The following HSD17B6 variants were observed in gnomAD, a reference collection of about 807,000 sequenced individuals.
The protein encoded by HSD17B6 is hydroxysteroid 17-beta dehydrogenase 6, also known as 17-beta-hydroxysteroid dehydrogenase type 6.
A neutral mutation model predicts 26.4 loss-of-function variants in HSD17B6; 16 were observed. The observed-to-expected ratio is 0.61, with a 90% CI of 0.41 to 0.92. HSD17B6 has a LOEUF of 0.92. HSD17B6 is among the 40% of genes least tolerant of loss of function. The pLI, the probability that HSD17B6 is intolerant of heterozygous loss-of-function variation, is 0.00. For synonymous variants in HSD17B6, 139 were observed against 153.0 expected, an observed-to-expected ratio of 0.91 and a Z score of 0.68; for missense variants, 357 against 386.1, an observed-to-expected ratio of 0.92 and a Z score of 0.63.
At chr12:56,786,181 G>A (rs1954869489) in intron 4 of HSD17B6, among the ~76,000 whole-genome samples, 2 of 151,160 alleles carry the variant, frequency 1.3e-5, no homozygotes, top group South Asian at 2.1e-4. Context: ...AGTTGAAAAA[G>A]TATATTCCCA....
intron 2 of HSD17B6, among the ~76,000 whole-genome samples, chr12:56,774,959 C>T (rs1237672256): frequency 6.6e-6 from 1 of 152,164 alleles, no homozygotes; most frequent in Non-Finnish European, 1.5e-5. Context: ...GCACTGGAGA[C>T]CCCTGGTTTA....
At chr12:56,776,068 A>G (rs1172456833) in intron 2 of HSD17B6, among the ~76,000 whole-genome samples, 4 of 151,186 alleles carry the variant, frequency 2.6e-5, no homozygotes, top group African/African-American at 9.7e-5. Flanking sequence ...TGGCACTACA[A>G]GCATGCACCA....
chr12:56,766,958 G>A (rs143738591), intron 1 of HSD17B6, among the ~76,000 whole-genome samples: 1 of 152,188 alleles, frequency 6.6e-6, no homozygotes, highest in Admixed American at 6.5e-5. Flanking sequence ...AGGAGCCAAG[G>A]GGCAAACGTA....
In HSD17B6 at chr12:56,784,972, C is replaced by T. The variant is rs758900448; in HGVS notation, c.692C>T (p.Pro231Leu). 2 of 1,614,010 alleles carry T rather than the reference C, an allele frequency of 1.2e-6. No homozygotes were observed. Among genetic ancestry groups the T allele is most frequent in the African/African-American group, 2.7e-5 (2 of 74,972 alleles). ...ATGAAGCAAAGTTGGAAAGAAGCCC[C>T]CAAGCATATTAAGGAGACCTATGGA... The part of the protein sequence containing the change: ...ERMKQSWKEA[P>L]KHIKETYGQQ... The change falls in exon 4 of 5, where the codon CCC (proline) becomes CTC (leucine). Residue 231 changes from proline to leucine, a missense_variant. Pro to Leu is a moderately conservative substitution (Grantham distance 98). Transcript: ENST00000322165.
At chr12:56,786,250 T>TG (rs1491466433) in intron 4 of HSD17B6, among the ~76,000 whole-genome samples, 73 of 77,546 alleles carry the variant, frequency 9.4e-4, no homozygotes, top group Admixed American at 5.2e-3. Context: ...AAGTTGTGTG[T>TG]TTTTTTTTTT....
chr12:56,780,657 G>A (rs937207911), intron 2 of HSD17B6, among the ~76,000 whole-genome samples: 10 of 151,924 alleles, frequency 6.6e-5, no homozygotes, highest in Non-Finnish European at 1.3e-4. Flanking sequence ...AGGAGATCGA[G>A]ACCATCCTGG....
At chr12:56,768,618 G>A (rs1954397047) in intron 1 of HSD17B6, among the ~76,000 whole-genome samples, 1 of 152,076 alleles carries the variant, frequency 6.6e-6, no homozygotes. Flanking sequence ...GAAGCAACGT[G>A]TATGCTCATC....
intron 3 of HSD17B6, among the ~76,000 whole-genome samples, chr12:56,783,717 G>C (rs1356213274): frequency 6.8e-6 from 1 of 147,660 alleles, no homozygotes; most frequent in Non-Finnish European, 1.5e-5. Flanking sequence ...CCTCCCGGAC[G>C]GGACGGCTGG....
chr12:56,776,431 A>C (rs1352296395), intron 2 of HSD17B6, among the ~76,000 whole-genome samples: 1 of 151,276 alleles, frequency 6.6e-6, no homozygotes, highest in Non-Finnish European at 1.5e-5. Flanking sequence ...CAGCCTCCCA[A>C]GTAGCTGGAG....
intron 3 of HSD17B6, among the ~76,000 whole-genome samples, chr12:56,782,627 G>A (rs916094323): frequency 1.3e-5 from 2 of 151,372 alleles, no homozygotes; most frequent in East Asian, 1.9e-4. Flanking sequence ...CCTGGTAGCT[G>A]GGACTATGGG....
Position 56,773,900 on chromosome 12 carries a change from C to G in HSD17B6, c.48C>G (p.His16Gln), listed in dbSNP as rs771128611. 33 of 1,611,064 alleles carry G rather than the reference C, an allele frequency of 2.0e-5. No homozygotes were observed. In the South Asian group the frequency reaches 3.5e-4, roughly 17 times the overall value. The change falls in exon 2 of 5, where the codon CAC becomes CAG. Residue 16 changes from histidine (H) to glutamine (Q), a missense_variant. Coordinates refer to ENST00000322165, the MANE Select transcript of HSD17B6 (RefSeq NM_003725.4). Reference protein sequence around the residue: ...AAFVGLYYLLHWYRERQVVSH... With the variant: ...AAFVGLYYLLQWYRERQVVSH... ...TCGTGGGCCTGTACTACCTTCTGCA[C>G]TGGTACCGGGAGAGGCAGGTGGTGA... is the stretch of plus-strand genomic sequence containing the variant.
intron 2 of HSD17B6, among the ~76,000 whole-genome samples, chr12:56,777,468 G>A (rs1394260177): frequency 6.6e-6 from 1 of 150,910 alleles, no homozygotes; most frequent in African/African-American, 2.5e-5. Flanking sequence ...AGGTTCAAGC[G>A]ATTCTCCTGC....
At chr12:56,766,852 G>A (rs1321133894) in intron 1 of HSD17B6, among the ~76,000 whole-genome samples, 4 of 152,192 alleles carry the variant, frequency 2.6e-5, no homozygotes, top group African/African-American at 9.6e-5. Flanking sequence ...TGCTGTAGGA[G>A]AACGGGAGTA....
intron 1 of HSD17B6, among the ~76,000 whole-genome samples, chr12:56,767,761 G>A (rs899296719): frequency 2.8e-5 from 4 of 144,304 alleles, no homozygotes; most frequent in Non-Finnish European, 4.5e-5. Flanking sequence ...GTATATATAT[G>A]TGTATATATT....
intron 2 of HSD17B6, 75 bp from the exon 3 acceptor site, chr12:56,781,899 C>G: frequency 6.7e-7 from 1 of 1,487,346 alleles, no homozygotes; most frequent in Non-Finnish European, 9.2e-7. Context: ...AAGAGTGATT[C>G]TTTCCCCACC....
At chr12:56,765,843 G>C (rs1250792705) in intron 1 of HSD17B6, among the ~76,000 whole-genome samples, 1 of 152,048 alleles carries the variant, frequency 6.6e-6, no homozygotes, top group Non-Finnish European at 1.5e-5. Flanking sequence ...CAGGGTTGGG[G>C]CAGGAAAGCT....
At position 56,782,518 on chromosome 12, in the gene HSD17B6, TCTCA is replaced by T. The variant is rs1317306066; in HGVS notation, c.572+290_572+293del. Among the ~76,000 whole-genome samples the T allele has an allele frequency of 7.2e-5, 11 of 152,262 alleles. No homozygotes were observed. In the East Asian group the frequency reaches 2.1e-3, roughly 29 times the overall value. On this transcript the variant is annotated intron_variant, in intron 3 of 4. Coordinates refer to ENST00000322165, the MANE Select transcript of HSD17B6 (RefSeq NM_003725.4). ...TTTATTTTTTATTTTTGAGACAGGGTCTCACTCTGTTGCTCAAGCTGGAGTGCAA... is the reference window on the plus strand; with the variant it reads ...TTTATTTTTTATTTTTGAGACAGGGTCTCTGTTGCTCAAGCTGGAGTGCAA...
Position 56,782,163 on chromosome 12 carries a change from G to C in HSD17B6, c.503G>C (p.Arg168Thr), listed in dbSNP as rs781121528. The C allele has an allele frequency of 8.7e-6, 14 of 1,614,194 alleles. No homozygotes were observed. Among genetic ancestry groups the C allele is most frequent in the Non-Finnish European group, 1.2e-5 (14 of 1,180,032 alleles). The change falls in exon 3 of 5, where the codon AGA becomes ACA. Residue 168 changes from arginine to threonine, a missense_variant. Coordinates refer to ENST00000322165, the MANE Select transcript of HSD17B6 (RefSeq NM_003725.4). ...RIVNVSSILG[R>T]VAFFVGGYCV... ...GTCAATGTCTCCAGCATTCTGGGAAGAGTTGCTTTCTTTGTAGGAGGCTAC... is the reference window on the plus strand; with the variant it reads ...GTCAATGTCTCCAGCATTCTGGGAACAGTTGCTTTCTTTGTAGGAGGCTAC...
chr12:56,771,933 G>A (rs1954482301), intron 1 of HSD17B6, among the ~76,000 whole-genome samples: 2 of 152,080 alleles, frequency 1.3e-5, no homozygotes, highest in Non-Finnish European at 1.5e-5. Flanking sequence ...TTTTATAAGC[G>A]TTTGGTAGTT....
Sources: allele counts gnomAD v4.1 joint callset (sites outside exome capture counted in the v4.1 genomes callset), GRCh38; gene constraint gnomAD v4.1.1; transcripts MANE v1.5; gene names NCBI Gene and HGNC (gene_info 2026-07-23, HGNC 2026-07-21).